PPP4R1: variants seen among roughly 807,000 people sequenced by gnomAD.
The protein encoded by PPP4R1 is protein phosphatase 4 regulatory subunit 1.
In PPP4R1, 42 loss-of-function variants were observed where a neutral mutation model predicts 111.2. The observed-to-expected ratio is 0.38, with a 90% confidence interval of 0.29 to 0.49. The LOEUF is 0.49. Among genes scored for constraint, PPP4R1 ranks in the 20% least tolerant of loss-of-function variants. The probability of loss-of-function intolerance (pLI) is 0.97; values close to 1 mark genes in which losing one functional copy is unlikely to be tolerated. For synonymous variants in PPP4R1, 409 were observed against 405.5 expected (o/e 1.01, Z -0.10); for missense variants, 1,012 against 1,161.6 (o/e 0.87, Z 1.87).
Position 9,614,275 on chromosome 18 carries a change from G to C in PPP4R1, c.8-5C>G. ...CCTCCTGAAGCAGCGAGAGGTCTGC[G>C]CCGAGGGGAGAGAAGAAAGGCCCGG... is the stretch of plus-strand genomic sequence containing the variant. On this transcript the variant is annotated splice_region_variant and splice_polypyrimidine_tract_variant and intron_variant, in intron 1 of 19. Coordinates refer to ENST00000400556, the MANE Select transcript of PPP4R1 (RefSeq NM_001042388.3). This position sits in a 1 kb window ranked among gnomAD's most constrained non-coding sequence, Gnocchi z 4.1. The C allele has an allele frequency of 7.6e-7, 1 of 1,317,122 alleles. No homozygotes were observed. Among genetic ancestry groups the C allele is most frequent in the Non-Finnish European group, 9.8e-7 (1 of 1,020,596 alleles). The allele number at this position is 1,317,122 out of a possible 1,614,324, so 81.6% of individuals were successfully genotyped here. A position where few individuals can be genotyped will look rare whatever the true frequency, so the allele number is the denominator to read the frequency against.
intron 4 of PPP4R1, among the ~76,000 whole-genome samples, chr18:9,591,638 C>T (rs891660217): frequency 9.9e-5 from 15 of 152,168 alleles, no homozygotes; most frequent in African/African-American, 3.6e-4. Context: ...CTTTATCTTA[C>T]CCAGCTATCA....
chr18:9,560,502 CTG>C (rs777601578), intron 13 of PPP4R1, among the ~76,000 whole-genome samples: 6 of 150,674 alleles, frequency 4.0e-5, no homozygotes, highest in Non-Finnish European at 5.9e-5. Flanking sequence ...GAAGAAAAAA[CTG>C]AGAGGGGAAC....
At chr18:9,578,328 T>C (rs1270624212) in intron 9 of PPP4R1, among the ~76,000 whole-genome samples, 5 of 152,230 alleles carry the variant, frequency 3.3e-5, no homozygotes, top group Admixed American at 1.3e-4. Context: ...CTCAAAATCC[T>C]TGGCTTAAGT....
At chr18:9,596,452 T>G (rs2067291755) in intron 2 of PPP4R1, among the ~76,000 whole-genome samples, 1 of 152,230 alleles carries the variant, frequency 6.6e-6, no homozygotes, top group Non-Finnish European at 1.5e-5. Context: ...TTATAGTCTG[T>G]CTCTCTAGAG....
chr18:9,550,496 G>A, intron 16 of PPP4R1, 98 bp from the exon 17 acceptor site: 1 of 1,352,742 alleles, frequency 7.4e-7, no homozygotes, highest in Non-Finnish European at 1.0e-6. Context: ...GGATTACTGA[G>A]CACCTGTCTC....
At chr18:9,561,501 C>T (rs2066676934) in intron 13 of PPP4R1, among the ~76,000 whole-genome samples, 1 of 152,138 alleles carries the variant, frequency 6.6e-6, no homozygotes, top group Admixed American at 6.5e-5. Flanking sequence ...AGGCAAGGCA[C>T]AGCTACCACA....
At chr18:9,571,732 G>A (rs2066865021) in intron 10 of PPP4R1, among the ~76,000 whole-genome samples, 1 of 152,170 alleles carries the variant, frequency 6.6e-6, no homozygotes, top group Non-Finnish European at 1.5e-5. Context: ...GCAAAGGCCG[G>A]AGTGGCAGAA....
intron 11 of PPP4R1, 112 bp from the exon 12 acceptor site, chr18:9,563,662 A>G: frequency 9.8e-7 from 1 of 1,020,500 alleles, no homozygotes; most frequent in Non-Finnish European, 1.3e-6. Flanking sequence ...CTTTTTTGAC[A>G]CTGCAATCAA....
intron 11 of PPP4R1, among the ~76,000 whole-genome samples, chr18:9,569,350 A>C (rs541264769): frequency 2.0e-5 from 3 of 152,252 alleles, no homozygotes; most frequent in Non-Finnish European, 4.4e-5. Context: ...AACATTCTAT[A>C]GTCTTTTCCT....
At chr18:9,566,991 A>G (rs754347071) in intron 11 of PPP4R1, among the ~76,000 whole-genome samples, 35 of 152,228 alleles carry the variant, frequency 2.3e-4, no homozygotes, top group Non-Finnish European at 5.1e-4. Flanking sequence ...CTGCAGCCCA[A>G]GGATCAAGGG....
rs189164747 is a variant in PPP4R1, at chr18:9,570,594, A to G, written c.1136T>C (p.Leu379Pro). 3.1e-4 allele frequency: 504 copies of G among 1,614,184 alleles called. 1 individual carries two copies. In the Middle Eastern group the frequency reaches 4.3e-3, roughly 14 times the overall value. ...AGCATGGTCTTCCATCGTGTTTTCC[A>G]GTATGACACTGGAATTACTAACACT... ...DLSVSNSSVI[L>P]ENTMEDHAAE... The change falls in exon 11 of 20, where the codon CTG becomes CCG. Residue 379 changes from leucine to proline, a missense_variant. Physicochemically the swap from Leu to Pro is moderately conservative, Grantham distance 98. Transcript: ENST00000400556.
chr18:9,576,982 G>A, intron 10 of PPP4R1, 82 bp downstream of exon 10: 1 of 1,238,148 alleles, frequency 8.1e-7, no homozygotes, highest in Admixed American at 2.6e-5. Flanking sequence ...AACATTTGTT[G>A]CAGAATAGTG....
intron 15 of PPP4R1, among the ~76,000 whole-genome samples, chr18:9,555,863 A>C (rs9944999): frequency 1.3e-5 from 2 of 151,746 alleles, no homozygotes; most frequent in South Asian, 2.1e-4. Context: ...TAGGCCAGGC[A>C]TGGTGGCTCA....
rs895313246 is a variant in PPP4R1, at chr18:9,601,425, C to T, written c.53-6272G>A. Among the ~76,000 whole-genome samples the T allele has an allele frequency of 9.2e-5, 14 of 152,066 alleles. No individual in the cohort carries two copies. In the East Asian group the frequency reaches 1.7e-3, roughly 19 times the overall value. On this transcript the variant is annotated intron_variant, in intron 2 of 19. Transcript: ENST00000400556. Reference sequence around the variant, plus strand: ...CCTGAAATTCCAGCTACTTGGGAGGCTGAATCACAAGAATCACTTGAACCT... The same window carrying T: ...CCTGAAATTCCAGCTACTTGGGAGGTTGAATCACAAGAATCACTTGAACCT...
rs147788083 is a variant in PPP4R1, at chr18:9,563,456, A to C, written c.1668T>G (p.Asp556Glu). 3.8e-4 allele frequency: 619 copies of C among 1,608,704 alleles called. 6 individuals are homozygous for C. The African/African-American group carries it at 6.9e-3, about 18-fold the overall frequency. The change falls in exon 12 of 20, where the codon GAT (aspartate) becomes GAG (glutamate). Residue 556 changes from aspartate (D) to glutamate (E), a missense_variant. Asp to Glu is a conservative substitution (Grantham distance 45). Around this residue, in one of 2 missense-constraint regions of PPP4R1, gnomAD observed 707 missense variants for 742.1 expected, o/e 0.95. Coordinates refer to ENST00000400556, the MANE Select transcript of PPP4R1 (RefSeq NM_001042388.3). The part of the protein sequence containing the change: ...ISIEKRSDLQ[D>E]ELDINELPNC... ...TTGGTAGCTCATTTATATCCAGTTC[A>C]TCTTGCAAATCACTTCTCTTTTCTA...
chr18:9,605,596 GGAAA>G (rs2067467800), intron 2 of PPP4R1, among the ~76,000 whole-genome samples: 1 of 91,956 alleles, frequency 1.1e-5, no homozygotes, highest in Non-Finnish European at 2.3e-5. Context: ...AAAAAAAAAA[GGAAA>G]GAATAACCTG....
chr18:9,552,125 A>G (rs999728947), intron 16 of PPP4R1, among the ~76,000 whole-genome samples: 1 of 152,240 alleles, frequency 6.6e-6, no homozygotes, highest in African/African-American at 2.4e-5. Flanking sequence ...TTCCATACTC[A>G]GCAAAGACAT....
intron 2 of PPP4R1, among the ~76,000 whole-genome samples, chr18:9,611,614 A>G (rs2067580467): frequency 6.6e-6 from 1 of 152,226 alleles, no homozygotes; most frequent in Non-Finnish European, 1.5e-5. Flanking sequence ...ATAAGCAATT[A>G]CTCTAACAAA....
At chr18:9,587,715 T>G (rs1445359105) in intron 6 of PPP4R1, among the ~76,000 whole-genome samples, 1 of 136,332 alleles carries the variant, frequency 7.3e-6, no homozygotes, top group Non-Finnish European at 1.6e-5. Flanking sequence ...CCAGCCTAAT[T>G]TTTTTTTTTT....
Sources: gnomAD v4.1 joint callset for allele counts (sites outside exome capture counted in the v4.1 genomes callset) on GRCh38, gnomAD v4.1.1 for gene constraint, gnomAD v4.1.1 regional missense constraint, Gnocchi (gnomAD v3.1) non-coding constraint, MANE v1.5 for transcripts, NCBI Gene and HGNC (gene_info 2026-07-23, HGNC 2026-07-21) for gene names.